Variants in PALLD observed in about 807,000 individuals in gnomAD.
PALLD encodes the protein palladin.
PALLD carries 61 observed loss-of-function variants against 123.5 expected under a neutral mutation model. The observed-to-expected ratio is 0.49, with a 90% CI of 0.40 to 0.61. The LOEUF is 0.61. Among genes scored for constraint, PALLD ranks in the 20% least tolerant of loss-of-function variants. PALLD has a pLI of 0.00. For synonymous variants in PALLD, 465 were observed against 496.4 expected, an observed-to-expected ratio of 0.94 and a Z score of 0.84; for missense variants, 1,273 against 1,377.0, an observed-to-expected ratio of 0.92 and a Z score of 1.20.
intron 10 of PALLD, among the ~76,000 whole-genome samples, chr4:168,724,609 A>G (rs757464583): frequency 1.3e-5 from 2 of 152,264 alleles, no homozygotes; most frequent in African/African-American, 2.4e-5. Context: ...AATGATGAAC[A>G]TATTAAATTG....
chr4:168,896,754 T>C (rs1755269890), intron 13 of PALLD, among the ~76,000 whole-genome samples, 155 bp downstream of exon 13: 1 of 152,228 alleles, frequency 6.6e-6, no homozygotes. Flanking sequence ...ATACACAAAA[T>C]TACTGCAACA....
At chr4:168,522,460 C>T (rs1355408694) in intron 2 of PALLD, among the ~76,000 whole-genome samples, 1 of 152,146 alleles carries the variant, frequency 6.6e-6, no homozygotes, top group Non-Finnish European at 1.5e-5. Flanking sequence ...TTTCAGATAC[C>T]TTCACAGTCA....
At chr4:168,524,118 C>T (rs1267134260) in intron 2 of PALLD, among the ~76,000 whole-genome samples, 3 of 152,260 alleles carry the variant, frequency 2.0e-5, no homozygotes, top group Admixed American at 6.5e-5. Flanking sequence ...TCTTTGTAAT[C>T]AGAACTCTTT....
At chr4:168,848,866 T>C (rs1370541601) in intron 10 of PALLD, among the ~76,000 whole-genome samples, 1 of 152,214 alleles carries the variant, frequency 6.6e-6, no homozygotes, top group Admixed American at 6.5e-5. Flanking sequence ...AAGATGTTCA[T>C]TCTCTACAGT....
intron 2 of PALLD, among the ~76,000 whole-genome samples, chr4:168,640,055 G>A (rs1776786837): frequency 6.6e-6 from 1 of 152,206 alleles, no homozygotes; most frequent in African/African-American, 2.4e-5. Flanking sequence ...GAAGTCTCAT[G>A]AAGGTATGAG....
At chr4:168,709,601 A>G (rs1472238014) in intron 9 of PALLD, among the ~76,000 whole-genome samples, 466 of 602 alleles carry the variant, frequency 0.77, 197 homozygotes, top group African/African-American at 0.82. Context: ...GGAGGGAGGG[A>G]GGGAGGGAGG....
chr4:168,760,464 T>C (rs1732679951), intron 10 of PALLD, among the ~76,000 whole-genome samples: 1 of 152,158 alleles, frequency 6.6e-6, no homozygotes, highest in African/African-American at 2.4e-5. Flanking sequence ...CTCAAATCTA[T>C]GAGGTTTCTA....
At chr4:168,643,867 G>A (rs919680657) in intron 2 of PALLD, among the ~76,000 whole-genome samples, 11 of 152,158 alleles carry the variant, frequency 7.2e-5, no homozygotes, top group Admixed American at 7.2e-4. Context: ...CCTACTTCCC[G>A]ATTAGGAAAC....
At chr4:168,580,106 T>C (rs928567711) in intron 2 of PALLD, among the ~76,000 whole-genome samples, 3 of 152,070 alleles carry the variant, frequency 2.0e-5, no homozygotes, top group African/African-American at 7.2e-5. Flanking sequence ...GGATTCCACG[T>C]GTGTCAGATC....
chr4:168,923,936 G>T (rs367714805), intron 18 of PALLD, among the ~76,000 whole-genome samples: 4 of 151,670 alleles, frequency 2.6e-5, no homozygotes, highest in African/African-American at 9.7e-5. Context: ...ATCACTAGTA[G>T]TGAAGCCATC....
chr4:168,856,114 C>A (rs1748569784), intron 10 of PALLD, among the ~76,000 whole-genome samples: 1 of 152,168 alleles, frequency 6.6e-6, no homozygotes, highest in Non-Finnish European at 1.5e-5. Flanking sequence ...TCTGTTCCTG[C>A]ATTAATTTGT....
chr4:168,586,153 T>TAA lies in PALLD; in HGVS notation c.908+73765_908+73766dup, dbSNP rs35474736. Among the ~76,000 whole-genome samples, 416 of 75,498 alleles carry TAA rather than the reference T, an allele frequency of 5.5e-3. 4 individuals carry two copies. Among genetic ancestry groups the TAA allele is most frequent in the African/African-American group, 0.017 (323 of 19,032 alleles). 49.5% of individuals were successfully genotyped at this position (75,498 alleles called of 152,430 possible). The stretch of plus-strand genomic sequence containing the variant: ...CGCTTCTCCAGGTCCTCAAGAGACC[T>TAA]AAAAAAAAAAAAAAAAAAAAAAAAA... On this transcript the variant is annotated intron_variant, in intron 2 of 21. Transcript: ENST00000505667.
chr4:168,584,156 T>C (rs186835575), intron 2 of PALLD, among the ~76,000 whole-genome samples: 1 of 152,244 alleles, frequency 6.6e-6, no homozygotes. Context: ...TGGAAATCAT[T>C]ATGTATAGAC....
chr4:168,771,902 C>T (rs967202473), intron 10 of PALLD, among the ~76,000 whole-genome samples: 1 of 152,072 alleles, frequency 6.6e-6, no homozygotes, highest in East Asian at 1.9e-4. Flanking sequence ...CAAGAGAGAA[C>T]CCCAGAAAGA....
At chr4:168,640,656 T>C (rs1381215521) in intron 2 of PALLD, among the ~76,000 whole-genome samples, 1 of 152,246 alleles carries the variant, frequency 6.6e-6, no homozygotes, top group African/African-American at 2.4e-5. Flanking sequence ...TTCCTTTGGC[T>C]CAGAAATGTG....
At chr4:168,622,099 G>C (rs1428188434) in intron 2 of PALLD, among the ~76,000 whole-genome samples, 1 of 152,080 alleles carries the variant, frequency 6.6e-6, no homozygotes. Context: ...AAAAACAAAT[G>C]AACAAAACTA....
chr4:168,811,280 C>G (rs908988031), intron 10 of PALLD, among the ~76,000 whole-genome samples: 1 of 152,154 alleles, frequency 6.6e-6, no homozygotes, highest in African/African-American at 2.4e-5. Flanking sequence ...CCAGTACTGC[C>G]GTCATACCTG....
intron 10 of PALLD, among the ~76,000 whole-genome samples, chr4:168,837,812 A>G (rs560917905): frequency 5.1e-4 from 77 of 152,352 alleles, no homozygotes; most frequent in Non-Finnish European, 9.6e-4. Flanking sequence ...AGACTCTGGG[A>G]GTAAAGCAGT....
intron 2 of PALLD, among the ~76,000 whole-genome samples, chr4:168,514,806 C>A (rs966227385): frequency 6.6e-6 from 1 of 152,092 alleles, no homozygotes; most frequent in African/African-American, 2.4e-5. Context: ...GAAAGCAGTC[C>A]ATTTAGCATT....
Sources: allele counts gnomAD v4.1 joint callset (sites outside exome capture counted in the v4.1 genomes callset), GRCh38; gene constraint gnomAD v4.1.1; transcripts MANE v1.5; gene names NCBI Gene and HGNC (gene_info 2026-07-23, HGNC 2026-07-21).